GDF3: variants seen among roughly 807,000 people sequenced by gnomAD.
The protein encoded by GDF3 is growth/differentiation factor 3.
A neutral mutation model predicts 10.2 loss-of-function variants in GDF3; 10 were observed. The ratio of observed to expected loss-of-function variants is 0.98; its 90% CI spans 0.60 to 1.66. GDF3 has a LOEUF of 1.66. GDF3 is among the 40% of genes most tolerant of loss of function. GDF3 has a pLI of 0.00. For synonymous variants in GDF3, 166 were observed against 178.5 expected (o/e 0.93, Z 0.56); for missense variants, 450 against 438.3 (o/e 1.03, Z -0.24).
In GDF3 at chr12:7,690,214, G is replaced by A; in HGVS notation, c.759C>T (p.Ile253=). Residue 253 remains isoleucine (I), a synonymous_variant, in exon 2 of 2, where the codon ATC becomes ATT. Coordinates refer to ENST00000329913, the MANE Select transcript of GDF3 (RefSeq NM_020634.3). The stretch of plus-strand genomic sequence containing the variant: ...TCTTACAAGAAAGCTTGGGGACAGG[G>A]ATGGCTGCTCTCCTTTTCCGAGAAG... ...CHPSRKRRAA[I]PVPKLSCKNL... is the part of the protein sequence containing the mutation. 6.2e-7 allele frequency: 1 copy of A among 1,614,142 alleles called. No individual in the cohort carries two copies.
intron 1 of GDF3, among the ~76,000 whole-genome samples, chr12:7,692,509 ATT>A (rs753587940): frequency 7.4e-6 from 1 of 135,690 alleles, no homozygotes; most frequent in East Asian, 2.1e-4. Context: ...ATTGGCTTTA[ATT>A]TTTTTTTTTT....
chr12:7,695,105 G>T (rs1418217543), intron 1 of GDF3, among the ~76,000 whole-genome samples: 1 of 152,108 alleles, frequency 6.6e-6, no homozygotes, highest in Admixed American at 6.6e-5. Flanking sequence ...TATATGGGCT[G>T]CAGGGTGGGA....
At chr12:7,693,381 T>C (rs1234532175) in intron 1 of GDF3, among the ~76,000 whole-genome samples, 4 of 148,304 alleles carry the variant, frequency 2.7e-5, no homozygotes, top group African/African-American at 9.9e-5. Context: ...ATTTTTTTTT[T>C]TTTTTTTTTT....
Position 7,691,128 on chromosome 12 carries a change from T to C in GDF3, c.269-424A>G, listed in dbSNP as rs769369339. 4.0e-3 allele frequency among the ~76,000 whole-genome samples: 572 copies of C among 144,786 alleles called. 3 individuals carry two copies. The highest frequency in any genetic ancestry group is 0.014 in the African/African-American group (544 of 38,634). The allele number at this position is 144,786 out of a possible 152,430, so 95.0% of individuals were successfully genotyped here. On this transcript the variant is annotated intron_variant, in intron 1 of 1. Transcript: ENST00000329913. ...TCGCGCCATTGCACTCCAGCCTGGG[T>C]GACAGAGCAAGACTCCGTCTCAAAA...
intron 1 of GDF3, among the ~76,000 whole-genome samples, chr12:7,694,936 G>T (rs1337662321): frequency 6.6e-6 from 1 of 152,132 alleles, no homozygotes. Flanking sequence ...GGATATGACA[G>T]TTGTATATAT....
Position 7,690,837 on chromosome 12 carries a change from GGTTT to G in GDF3, c.269-137_269-134del, listed in dbSNP as rs774461007. ...AGACACAAGCCCTGTCATTTGGGAG[GGTTT>G]GTTTCTCTATTCCTGAAAGCCAGAG... On this transcript the variant is annotated intron_variant, in intron 1 of 1. Transcript: ENST00000329913. 79 of 652,464 alleles carry G rather than the reference GGTTT, an allele frequency of 1.2e-4. No individual in the cohort carries two copies. In the African/African-American group the frequency reaches 1.4e-3, roughly 12 times the overall value. 40.4% of individuals were successfully genotyped at this position (652,464 alleles called of 1,614,324 possible).
chr12:7,695,513 G>A lies in GDF3; in HGVS notation c.216C>T (p.Tyr72=), dbSNP rs998594652. 44 of 1,613,878 alleles carry A rather than the reference G, an allele frequency of 2.7e-5. No individual in the cohort carries two copies. The highest frequency in any genetic ancestry group is 3.3e-5 in the Admixed American group (2 of 59,972). ...ATTGVSRDLC[Y]VKELGVRGNV... is the part of the protein sequence containing the mutation. ...TCCCGCGGACGCCCAGCTCCTTTAC[G>A]TAGCATAAGTCTCGGGAGACCCCAG... Residue 72 remains tyrosine (Y), a synonymous_variant, in exon 1 of 2, where the codon TAC becomes TAT. Transcript: ENST00000329913.
rs774332305 is a variant in GDF3, at chr12:7,690,413, G to A, written c.560C>T (p.Ala187Val). ...GAVHFNLLDV[A>V]KDWNDNPRKN... ...CCGGGGGTTGTCATTCCAATCCTTAGCTACATCCAGCAGGTTGAAGTGAAC... is the reference window on the plus strand; with the variant it reads ...CCGGGGGTTGTCATTCCAATCCTTAACTACATCCAGCAGGTTGAAGTGAAC... The change falls in exon 2 of 2, where the codon GCT (alanine) becomes GTT (valine). Residue 187 changes from alanine to valine, a missense_variant. Coordinates refer to ENST00000329913, the MANE Select transcript of GDF3 (RefSeq NM_020634.3). 10 of 1,614,062 alleles carry A rather than the reference G, an allele frequency of 6.2e-6. No homozygotes were observed. The highest frequency in any genetic ancestry group is 5.0e-5 in the Admixed American group (3 of 59,970).
chr12:7,691,987 A>G (rs1864135827), intron 1 of GDF3, among the ~76,000 whole-genome samples: 1 of 152,062 alleles, frequency 6.6e-6, no homozygotes, highest in Non-Finnish European at 1.5e-5. Context: ...AGCCTGGGCG[A>G]CAGAGCAAGA....
rs185665015 is a variant in GDF3, at chr12:7,690,406, A to G, written c.567T>C (p.Asp189=). 7.4e-6 allele frequency: 12 copies of G among 1,614,114 alleles called. No individual in the cohort carries two copies. In the African/African-American group the frequency reaches 1.3e-4, roughly 18 times the overall value. Residue 189 remains aspartate (D), a synonymous_variant, in exon 2 of 2, where the codon GAT becomes GAC. Transcript: ENST00000329913. ...AATTTTTCCGGGGGTTGTCATTCCA[A>G]TCCTTAGCTACATCCAGCAGGTTGA... is the stretch of plus-strand genomic sequence containing the variant. ...VHFNLLDVAK[D]WNDNPRKNFG... is the part of the protein sequence containing the mutation.
intron 1 of GDF3, 134 bp from the exon 2 acceptor site, chr12:7,690,838 G>C: frequency 1.5e-6 from 1 of 651,688 alleles, no homozygotes; most frequent in East Asian, 2.8e-5. Context: ...ATTTGGGAGG[G>C]TTTGTTTCTC....
At chr12:7,692,269 A>C (rs753276768) in intron 1 of GDF3, among the ~76,000 whole-genome samples, 3 of 151,618 alleles carry the variant, frequency 2.0e-5, no homozygotes, top group Non-Finnish European at 4.4e-5. Context: ...CTCTGCTAAA[A>C]ATACAAAAAA....
intron 1 of GDF3, among the ~76,000 whole-genome samples, chr12:7,692,205 G>A (rs192538563): frequency 2.6e-5 from 4 of 151,972 alleles, no homozygotes; most frequent in East Asian, 2.0e-4. Context: ...AGGCCAAGGC[G>A]GGCAGATAAC....
At chr12:7,692,501 T>A (rs1864142837) in intron 1 of GDF3, among the ~76,000 whole-genome samples, 1 of 150,956 alleles carries the variant, frequency 6.6e-6, no homozygotes, top group South Asian at 2.1e-4. Context: ...TCATTCAGAT[T>A]GGCTTTAATT....
chr12:7,691,638 A>T (rs1307364216), intron 1 of GDF3, among the ~76,000 whole-genome samples: 1 of 152,084 alleles, frequency 6.6e-6, no homozygotes, highest in African/African-American at 2.4e-5. Context: ...TTATAGGTAT[A>T]GTCACCTCCC....
chr12:7,690,733 C>T (rs1322987395), intron 1 of GDF3, 29 bp from the exon 2 acceptor site: 1 of 1,258,678 alleles, frequency 7.9e-7, no homozygotes, highest in African/African-American at 1.5e-5. Flanking sequence ...ATGTCAGAGT[C>T]ATAATGATGT....
intron 1 of GDF3, among the ~76,000 whole-genome samples, chr12:7,694,694 C>G (rs1864164522): frequency 6.6e-6 from 1 of 151,972 alleles, no homozygotes; most frequent in Non-Finnish European, 1.5e-5. Flanking sequence ...ATCTTCTCTC[C>G]AGTTGCTGTA....
chr12:7,694,467 G>A (rs1169416707), intron 1 of GDF3, among the ~76,000 whole-genome samples: 1 of 151,240 alleles, frequency 6.6e-6, no homozygotes, highest in Non-Finnish European at 1.5e-5. Context: ...CCAGCTACTT[G>A]GGAAGCTGAG....
rs757186246 is a variant in GDF3, at chr12:7,690,617, C to T, written c.356G>A (p.Arg119Lys). Residue 119 changes from arginine to lysine, a missense_variant, in exon 2 of 2, where the codon AGG becomes AAG. Physicochemically the swap from Arg to Lys is conservative, Grantham distance 26. Coordinates refer to ENST00000329913, the MANE Select transcript of GDF3 (RefSeq NM_020634.3). ...LYFNLSAIKE[R>K]EQLTLAQLGL... is the part of the protein sequence containing the mutation. The stretch of plus-strand genomic sequence containing the variant: ...CAGCTGGGCCAATGTCAACTGTTCC[C>T]TTTCTTTGATGGCAGACAGGTTAAA... 2 of 1,608,730 alleles carry T rather than the reference C, an allele frequency of 1.2e-6. No individual in the cohort carries two copies. Among genetic ancestry groups the T allele is most frequent in the Non-Finnish European group, 8.5e-7 (1 of 1,178,366 alleles).
Sources: allele counts gnomAD v4.1 joint callset (sites outside exome capture counted in the v4.1 genomes callset), GRCh38; gene constraint gnomAD v4.1.1; transcripts MANE v1.5; gene names NCBI Gene and HGNC (gene_info 2026-07-23, HGNC 2026-07-21).